Variants in OLFM3 observed in about 807,000 individuals in gnomAD.
OLFM3 encodes noelin-3.
Under a neutral mutation model 48.6 loss-of-function variants are expected in OLFM3, and 20 were observed. The ratio of observed to expected loss-of-function variants is 0.41; its 90% confidence interval spans 0.29 to 0.60. OLFM3 has a LOEUF of 0.60. OLFM3 is among the 20% of genes least tolerant of loss of function. OLFM3 has a pLI of 0.28. For synonymous variants in OLFM3, 222 were observed against 198.1 expected, an observed-to-expected ratio of 1.12 and a Z score of -1.01; for missense variants, 437 against 544.3, an observed-to-expected ratio of 0.80 and a Z score of 1.96.
At chr1:101,961,823 T>A (rs1477868578) in intron 1 of OLFM3, among the ~76,000 whole-genome samples, 1 of 152,086 alleles carries the variant, frequency 6.6e-6, no homozygotes, top group Non-Finnish European at 1.5e-5. Context: ...AGAGCTAGTA[T>A]GTTAAAAAAA....
At chr1:101,979,944 A>G (rs1661062314) in intron 1 of OLFM3, among the ~76,000 whole-genome samples, 1 of 152,212 alleles carries the variant, frequency 6.6e-6, no homozygotes, top group Non-Finnish European at 1.5e-5. Flanking sequence ...CATCTTTTGC[A>G]TCAGCATGAC....
chr1:101,956,249 T>C (rs1448033251), intron 1 of OLFM3, among the ~76,000 whole-genome samples: 2 of 151,764 alleles, frequency 1.3e-5, no homozygotes, highest in Non-Finnish European at 3.0e-5. Context: ...GATATTTGAT[T>C]ATAAAATAAA....
intron 1 of OLFM3, among the ~76,000 whole-genome samples, chr1:101,860,887 A>G (rs886705651): frequency 4.6e-5 from 7 of 152,016 alleles, no homozygotes; most frequent in Admixed American, 6.5e-5. Flanking sequence ...AGGCTTAAAC[A>G]TAATAGCCAG....
intron 1 of OLFM3, among the ~76,000 whole-genome samples, chr1:101,884,465 G>C (rs960503031): frequency 1.3e-5 from 2 of 151,614 alleles, no homozygotes; most frequent in Non-Finnish European, 2.9e-5. Flanking sequence ...GCAGGGATAA[G>C]TGCCCTATTC....
At chr1:101,892,258 A>G (rs1193286660) in intron 1 of OLFM3, among the ~76,000 whole-genome samples, 1 of 152,002 alleles carries the variant, frequency 6.6e-6, no homozygotes, top group African/African-American at 2.4e-5. Flanking sequence ...GAATGACTAG[A>G]GCAGCCTGGG....
intron 1 of OLFM3, among the ~76,000 whole-genome samples, chr1:101,924,155 T>A (rs1481225125): frequency 6.6e-6 from 1 of 152,176 alleles, no homozygotes; most frequent in Non-Finnish European, 1.5e-5. Flanking sequence ...CCAGCTTCGT[T>A]AAATTTAAAC....
At chr1:101,829,531 T>G (rs557024077) in intron 3 of OLFM3, among the ~76,000 whole-genome samples, 2 of 152,310 alleles carry the variant, frequency 1.3e-5, no homozygotes, top group East Asian at 3.9e-4. Flanking sequence ...TGAAGAAAAT[T>G]ACAAAACCAT....
chr1:101,890,970 T>A (rs1201161190), intron 1 of OLFM3, among the ~76,000 whole-genome samples: 1 of 152,026 alleles, frequency 6.6e-6, no homozygotes, highest in Non-Finnish European at 1.5e-5. Context: ...TAGTCTTTCA[T>A]GCCTTATGCA....
intron 1 of OLFM3, among the ~76,000 whole-genome samples, chr1:101,921,227 A>T (rs1330564950): frequency 6.6e-6 from 1 of 151,952 alleles, no homozygotes; most frequent in African/African-American, 2.4e-5. Flanking sequence ...ACACACACAC[A>T]CACACAAATA....
chr1:101,824,434 A>G (rs964591987), intron 4 of OLFM3, among the ~76,000 whole-genome samples: 4 of 152,124 alleles, frequency 2.6e-5, no homozygotes, highest in African/African-American at 9.7e-5. Flanking sequence ...AGAGTCCATG[A>G]CCCATGCATG....
chr1:101,832,308 C>T (rs1028702855), intron 2 of OLFM3, among the ~76,000 whole-genome samples: 9 of 152,196 alleles, frequency 5.9e-5, no homozygotes, highest in African/African-American at 2.2e-4. Flanking sequence ...AAATTTTTGT[C>T]ATCAGATAAA....
chr1:101,833,089 G>A (rs1375724717), intron 2 of OLFM3, among the ~76,000 whole-genome samples: 1 of 152,166 alleles, frequency 6.6e-6, no homozygotes. Context: ...ATGTACCTGG[G>A]CCAAGTCTAT....
intron 1 of OLFM3, among the ~76,000 whole-genome samples, chr1:101,941,494 G>C (rs1453932066): frequency 2.0e-5 from 3 of 152,058 alleles, no homozygotes; most frequent in Admixed American, 2.0e-4. Context: ...TCATGAATGT[G>C]ACCTCATTCA....
chr1:101,861,565 C>T lies in OLFM3; in HGVS notation c.70-24540G>A, dbSNP rs182737194. 2.3e-4 allele frequency among the ~76,000 whole-genome samples: 35 copies of T among 152,312 alleles called. No individual in the cohort carries two copies. The East Asian group carries it at 5.2e-3, about 23-fold the overall frequency. On this transcript the variant is annotated intron_variant, in intron 1 of 5. Transcript: ENST00000370103. ...GATTGGCAGCTGAACAAAGATAAAG[C>T]TATTCCCATATGACAGTGGATTGGA...
chr1:101,978,017 G>A (rs1246517917), intron 1 of OLFM3, among the ~76,000 whole-genome samples: 2 of 152,096 alleles, frequency 1.3e-5, no homozygotes, highest in African/African-American at 4.8e-5. Context: ...TTAGTTACAA[G>A]GTAGAACATA....
At chr1:101,870,698 G>A (rs1275554528) in intron 1 of OLFM3, among the ~76,000 whole-genome samples, 1 of 152,038 alleles carries the variant, frequency 6.6e-6, no homozygotes, top group Non-Finnish European at 1.5e-5. Context: ...GCAAACTTAG[G>A]AGATAATGGG....
chr1:101,866,748 T>G (rs1328397499), intron 1 of OLFM3, among the ~76,000 whole-genome samples: 2 of 152,206 alleles, frequency 1.3e-5, no homozygotes, highest in Non-Finnish European at 2.9e-5. Context: ...ATATGTAACA[T>G]CACTTATCCT....
chr1:101,917,711 C>T (rs1439287742), intron 1 of OLFM3, among the ~76,000 whole-genome samples: 1 of 152,188 alleles, frequency 6.6e-6, no homozygotes, highest in Non-Finnish European at 1.5e-5. Flanking sequence ...GCCACAACGT[C>T]CAGCCCATAA....
chr1:101,977,896 T>C (rs1167325150), intron 1 of OLFM3, among the ~76,000 whole-genome samples: 2 of 152,132 alleles, frequency 1.3e-5, no homozygotes, highest in Non-Finnish European at 2.9e-5. Flanking sequence ...GTAGAGAGTT[T>C]ATGAAAAATA....
Sources: gnomAD v4.1 joint callset for allele counts (sites outside exome capture counted in the v4.1 genomes callset) on GRCh38, gnomAD v4.1.1 for gene constraint, MANE v1.5 for transcripts, NCBI Gene and HGNC (gene_info 2026-07-23, HGNC 2026-07-21) for gene names.